DCHS2: variants seen among roughly 807,000 people sequenced by gnomAD.
The protein encoded by DCHS2 is protocadherin-23.
In DCHS2, 142 loss-of-function variants were observed where a neutral mutation model predicts 182.4. That is an observed-to-expected ratio of 0.78 (90% CI 0.68 to 0.89). The LOEUF (loss-of-function observed/expected upper bound fraction) is 0.89, where lower values mean the gene tolerates loss of function less well. DCHS2 is among the 40% of genes least tolerant of loss of function. The pLI is 0.00. For missense variants in DCHS2, 4,319 were observed against 4,198.6 expected, an observed-to-expected ratio of 1.03 and a Z score of -0.79; for synonymous variants, 1,740 against 1,663.3, an observed-to-expected ratio of 1.05 and a Z score of -1.12.
intron 1 of DCHS2, among the ~76,000 whole-genome samples, chr4:154,385,356 C>T (rs1182660648): frequency 6.6e-6 from 1 of 152,144 alleles, no homozygotes; most frequent in East Asian, 1.9e-4. Flanking sequence ...CAAGTCTTTG[C>T]TATTGTGAAT....
chr4:154,279,983 T>C (rs751498984), intron 13 of DCHS2, among the ~76,000 whole-genome samples: 1 of 151,540 alleles, frequency 6.6e-6, no homozygotes, highest in Non-Finnish European at 1.5e-5. Context: ...GCTAGACTAA[T>C]GAGACAGAGA....
chr4:154,261,958 AC>A (rs1397996824), intron 14 of DCHS2: 1 of 152,018 alleles, frequency 6.6e-6, no homozygotes, highest in African/African-American at 2.4e-5. Flanking sequence ...TGATTCCCAC[AC>A]CCCGAAATGT....
chr4:154,268,230 TC>T (rs1554000253), intron 14 of DCHS2, among the ~76,000 whole-genome samples: 53 of 148,010 alleles, frequency 3.6e-4, no homozygotes, highest in Admixed American at 1.3e-3. Context: ...CCTTTCACTT[TC>T]CCCCCCCCAA....
chr4:154,343,329 C>A, intron 3 of DCHS2: 3 of 735,200 alleles, frequency 4.1e-6, no homozygotes, highest in Non-Finnish European at 5.8e-6. Context: ...TAGCCCCTAA[C>A]AAGAGAGTCA....
At position 154,332,845 on chromosome 4, in the gene DCHS2, C is replaced by T. The variant is rs375261937; in HGVS notation, c.3363G>A (p.Arg1121=). Residue 1121 remains arginine, a synonymous_variant, in exon 5 of 20, where the codon AGG becomes AGA. Coordinates refer to ENST00000357232, the MANE Select transcript of DCHS2 (RefSeq NM_001358235.2). ...AGTCTACGCTGGGTTCCAGCGAGTACCTAAGAGGCGAGGCTGCACGCTGGG... is the reference window on the plus strand; with the variant it reads ...AGTCTACGCTGGGTTCCAGCGAGTATCTAAGAGGCGAGGCTGCACGCTGGG... ...LGPQRAASPL[R]YSLEPSVDSA... is the part of the protein sequence containing the mutation. 9.9e-6 allele frequency: 16 copies of T among 1,614,188 alleles called. No individual in the cohort carries two copies. Among genetic ancestry groups the T allele is most frequent in the Middle Eastern group, 1.7e-4 (1 of 6,060 alleles).
chr4:154,272,135 T>C (rs1408142863), intron 13 of DCHS2: 2 of 152,156 alleles, frequency 1.3e-5, no homozygotes, highest in Non-Finnish European at 1.5e-5. Context: ...TTCTATTAAA[T>C]GGAAAACCAC....
In DCHS2 at chr4:154,236,063, G is replaced by A. The variant is rs572379226; in HGVS notation, c.8589C>T (p.Ser2863=). 6 of 1,613,790 alleles carry A rather than the reference G, an allele frequency of 3.7e-6. No individual in the cohort carries two copies. Among genetic ancestry groups the A allele is most frequent in the Non-Finnish European group, 5.1e-6 (6 of 1,179,932 alleles). Residue 2863 remains serine, a synonymous_variant, in exon 20 of 20, where the codon TCC becomes TCT. Transcript: ENST00000357232. The part of the protein sequence containing the change: ...QAKDKGDATA[S]LVVWVDIEGI... Reference sequence around the variant, plus strand: ...CTTCAATATCCACCCAGACCACTAAGGAGGCAGTTGCATCACCTTTGTCTT... The same window carrying A: ...CTTCAATATCCACCCAGACCACTAAAGAGGCAGTTGCATCACCTTTGTCTT...
chr4:154,457,548 C>T (rs115176423), intron 1 of DCHS2, among the ~76,000 whole-genome samples: 2,459 of 152,262 alleles, frequency 0.016, 62 homozygotes, highest in African/African-American at 0.056. Flanking sequence ...TGGCTCATCC[C>T]CAAAACAGCC....
chr4:154,259,677 A>G lies in DCHS2; in HGVS notation c.6657T>C (p.Ser2219=), dbSNP rs1456334963. The G allele has an allele frequency of 1.9e-6, 3 of 1,614,078 alleles. No homozygotes were observed. The highest frequency in any genetic ancestry group is 2.2e-5 in the East Asian group (1 of 44,860). Residue 2219 remains serine, a synonymous_variant, in exon 15 of 20, where the codon AGT becomes AGC. Transcript: ENST00000357232. ...CTTTGCAATAGGCTCTATGCCCACTACTTTCAGCTAAAACGATGAGTTGAA... is the reference window on the plus strand; with the variant it reads ...CTTTGCAATAGGCTCTATGCCCACTGCTTTCAGCTAAAACGATGAGTTGAA... ...NEVQLIVLAE[S]SGHRAYCKVA...
rs1279236741 is a variant in DCHS2, at chr4:154,490,211, A to G, written c.1145T>C (p.Val382Ala). 4 of 1,549,462 alleles carry G rather than the reference A, an allele frequency of 2.6e-6. No homozygotes were observed. Among genetic ancestry groups the G allele is most frequent in the Non-Finnish European group, 3.5e-6 (4 of 1,146,744 alleles). Reference sequence around the variant, plus strand: ...GGCGCCTCCATCGCGGGCCTCCACCACCAACTGGTGCCAGGCCTGTGCCTC... The same window carrying G: ...GGCGCCTCCATCGCGGGCCTCCACCGCCAACTGGTGCCAGGCCTGTGCCTC... Reference protein sequence around the residue: ...DREAQAWHQLVVEARDGGAEP... With the variant: ...DREAQAWHQLAVEARDGGAEP... The change falls in exon 1 of 20, where the codon GTG (valine) becomes GCG (alanine). Residue 382 changes from valine to alanine, a missense_variant. Transcript: ENST00000357232.
intron 3 of DCHS2, chr4:154,352,567 C>T (rs1729670506): frequency 6.6e-6 from 1 of 152,148 alleles, no homozygotes; most frequent in Non-Finnish European, 1.5e-5. Flanking sequence ...CAAACACAGA[C>T]AGATAATTTA....
At position 154,339,737 on chromosome 4, in the gene DCHS2, G is replaced by A. The variant is rs559082878; in HGVS notation, c.2477-4633C>T. ...GCTGGGATTACAGGTGTGAGCGACC[G>A]CGCCCAGCCAAACATTTTTAAAATC... On this transcript the variant is annotated intron_variant, in intron 3 of 19. Coordinates refer to ENST00000357232, the MANE Select transcript of DCHS2 (RefSeq NM_001358235.2). Among the ~76,000 whole-genome samples, 5 of 152,232 alleles carry A rather than the reference G, an allele frequency of 3.3e-5. No individual in the cohort carries two copies. In the East Asian group the frequency reaches 9.7e-4, roughly 29 times the overall value.
chr4:154,452,649 C>A (rs1017862577), intron 1 of DCHS2, among the ~76,000 whole-genome samples: 2 of 150,494 alleles, frequency 1.3e-5, no homozygotes, highest in Non-Finnish European at 3.0e-5. Context: ...AACAAAAAAA[C>A]AAAAAAAAAC....
At chr4:154,440,470 TTG>T (rs1219743499) in intron 1 of DCHS2, among the ~76,000 whole-genome samples, 1 of 152,190 alleles carries the variant, frequency 6.6e-6, no homozygotes. Context: ...AGAGCCTTTT[TTG>T]GGCATTTTTT....
At chr4:154,426,070 G>C (rs1733312197) in intron 1 of DCHS2, among the ~76,000 whole-genome samples, 1 of 151,864 alleles carries the variant, frequency 6.6e-6, no homozygotes, top group Non-Finnish European at 1.5e-5. Flanking sequence ...TTTTTCTCAG[G>C]ATTAATGTGC....
Position 154,248,939 on chromosome 4 carries a change from G to C in DCHS2, c.6942-6167C>G, listed in dbSNP as rs186203387. Among the ~76,000 whole-genome samples, 415 of 152,228 alleles carry C rather than the reference G, an allele frequency of 2.7e-3. 2 individuals carry two copies. The highest frequency in any genetic ancestry group is 9.1e-3 in the African/African-American group (380 of 41,542). On this transcript the variant is annotated intron_variant, in intron 16 of 19. Coordinates refer to ENST00000357232, the MANE Select transcript of DCHS2 (RefSeq NM_001358235.2). ...TTACCATATACAAAAATTGACTGAA[G>C]ATGAATTGAAGATTTAAATATAAGG...
At chr4:154,466,641 T>G (rs930004911) in intron 1 of DCHS2, among the ~76,000 whole-genome samples, 1 of 152,190 alleles carries the variant, frequency 6.6e-6, no homozygotes, top group East Asian at 1.9e-4. Context: ...GAATGCTAAG[T>G]GCATTTCATC....
At chr4:154,444,286 T>C (rs1331153508) in intron 1 of DCHS2, among the ~76,000 whole-genome samples, 1 of 152,208 alleles carries the variant, frequency 6.6e-6, no homozygotes, top group Admixed American at 6.5e-5. Context: ...AATGTATGCC[T>C]AGCTGTTATC....
chr4:154,343,543 G>C lies in DCHS2; in HGVS notation c.2477-8439C>G. 2.0e-6 allele frequency: 3 copies of C among 1,524,246 alleles called. No homozygotes were observed. The African/African-American group carries it at 4.1e-5, about 21-fold the overall frequency. The allele number at this position is 1,524,246 out of a possible 1,614,324, so 94.4% of individuals were successfully genotyped here. On this transcript the variant is annotated intron_variant, in intron 3 of 19. Coordinates refer to ENST00000357232, the MANE Select transcript of DCHS2 (RefSeq NM_001358235.2). Reference sequence around the variant, plus strand: ...CCATCAGCACTTGCTGCTTCATCTTGCACTTTTAGGTAATGGAGATGGCGT... The same window carrying C: ...CCATCAGCACTTGCTGCTTCATCTTCCACTTTTAGGTAATGGAGATGGCGT...
Sources: gnomAD v4.1 joint callset for allele counts (sites outside exome capture counted in the v4.1 genomes callset) on GRCh38, gnomAD v4.1.1 for gene constraint, MANE v1.5 for transcripts, NCBI Gene and HGNC (gene_info 2026-07-23, HGNC 2026-07-21) for gene names.